TNNI3K: variants seen among roughly 807,000 people sequenced by gnomAD.
TNNI3K encodes the protein TNNI3 interacting kinase.
TNNI3K carries 140 observed loss-of-function variants against 114.5 expected under a neutral mutation model. The ratio of observed to expected loss-of-function variants is 1.22; its 90% CI spans 1.07 to 1.41. TNNI3K has a LOEUF of 1.41. Ranked by LOEUF, TNNI3K falls within the 40% of genes most tolerant of loss-of-function variation. The probability of loss-of-function intolerance (pLI) is 0.00; values close to 1 mark genes in which losing one functional copy is unlikely to be tolerated. For synonymous variants in TNNI3K, 347 were observed against 347.5 expected, an observed-to-expected ratio of 1.00 and a Z score of 0.02; for missense variants, 1,125 against 1,007.6, an observed-to-expected ratio of 1.12 and a Z score of -1.58.
In TNNI3K at chr1:74,370,703, A is replaced by T. The variant is rs546438667; in HGVS notation, c.1772+311A>T. 5.2e-5 allele frequency: 10 copies of T among 192,292 alleles called. No individual in the cohort carries two copies. In the East Asian group the frequency reaches 1.2e-3, roughly 23 times the overall value. 11.9% of individuals were successfully genotyped at this position (192,292 alleles called of 1,614,324 possible). ...ACATCAAGCAGTGAGCTAAATGGCT[A>T]TTAAAAAAATGATATGTCTCCTATA... On this transcript the variant is annotated intron_variant, in intron 17 of 24. Coordinates refer to ENST00000326637, the MANE Select transcript of TNNI3K (RefSeq NM_015978.3).
At chr1:74,267,804 C>T (rs1656092223) in intron 4 of TNNI3K, among the ~76,000 whole-genome samples, 1 of 151,778 alleles carries the variant, frequency 6.6e-6, no homozygotes, top group South Asian at 2.1e-4. Flanking sequence ...AACTTTTGAC[C>T]TTACCATTTG....
chr1:74,515,272 G>C (rs1646333154), intron 23 of TNNI3K, among the ~76,000 whole-genome samples: 2 of 152,158 alleles, frequency 1.3e-5, no homozygotes, highest in Admixed American at 1.3e-4. Context: ...ACAAACTCCA[G>C]ACTGAATGTT....
rs554935464 is a variant in TNNI3K, at chr1:74,255,891, T to C, written c.333+5122T>C. Among the ~76,000 whole-genome samples, 7 of 152,358 alleles carry C rather than the reference T, an allele frequency of 4.6e-5. No homozygotes were observed. The East Asian group carries it at 1.2e-3, about 25-fold the overall frequency. On this transcript the variant is annotated intron_variant, in intron 4 of 24. Transcript: ENST00000326637. The stretch of plus-strand genomic sequence containing the variant: ...ATTACATCCAGTATGTTTTCTTTTC[T>C]ATATGGTTTCTTGCACTTATCATAA...
chr1:74,265,907 G>A (rs112560121), intron 4 of TNNI3K, among the ~76,000 whole-genome samples: 2 of 151,914 alleles, frequency 1.3e-5, no homozygotes, highest in Non-Finnish European at 2.9e-5. Context: ...GAATGGAAGG[G>A]AAAATACACA....
At chr1:74,306,633 TG>T (rs1314454555) in intron 5 of TNNI3K, among the ~76,000 whole-genome samples, 1 of 152,230 alleles carries the variant, frequency 6.6e-6, no homozygotes, top group African/African-American at 2.4e-5. Context: ...TGATTAGTAA[TG>T]TTAGGCATTT....
chr1:74,280,813 G>A (rs907147988), intron 5 of TNNI3K, among the ~76,000 whole-genome samples: 1 of 152,192 alleles, frequency 6.6e-6, no homozygotes, highest in Non-Finnish European at 1.5e-5. Flanking sequence ...AGTGGACTTG[G>A]GGTGCACGTG....
intron 11 of TNNI3K, among the ~76,000 whole-genome samples, chr1:74,360,358 C>T (rs1190939936): frequency 1.3e-5 from 2 of 151,918 alleles, no homozygotes; most frequent in East Asian, 3.9e-4. Flanking sequence ...GTACTTCTTG[C>T]CTCTTGAACC....
At chr1:74,465,277 G>A (rs548335494) in intron 21 of TNNI3K, among the ~76,000 whole-genome samples, 2 of 152,336 alleles carry the variant, frequency 1.3e-5, no homozygotes, top group East Asian at 3.9e-4. Flanking sequence ...GGGAGGTGTG[G>A]AGGGAGAGGC....
chr1:74,507,291 G>A (rs560616264), intron 23 of TNNI3K, among the ~76,000 whole-genome samples: 1 of 140,428 alleles, frequency 7.1e-6, no homozygotes, highest in South Asian at 2.3e-4. Flanking sequence ...CAATCCCAAT[G>A]TCTCCTCCTG....
chr1:74,256,377 G>A (rs1201895430), intron 4 of TNNI3K, among the ~76,000 whole-genome samples: 1 of 133,508 alleles, frequency 7.5e-6, no homozygotes, highest in Non-Finnish European at 1.6e-5. Context: ...TTTCCCTGAA[G>A]ACTAAAGAGG....
intron 20 of TNNI3K, among the ~76,000 whole-genome samples, chr1:74,451,699 C>CTTTTCTTTTCT (rs1557575131): frequency 3.7e-5 from 1 of 27,298 alleles, no homozygotes; most frequent in African/African-American, 1.1e-4. Flanking sequence ...TTCTTTCTTT[C>CTTTTCTTTTCT]TTTCTTTCTT....
At chr1:74,463,974 C>G (rs1222296629) in intron 21 of TNNI3K, among the ~76,000 whole-genome samples, 1 of 152,204 alleles carries the variant, frequency 6.6e-6, no homozygotes, top group Non-Finnish European at 1.5e-5. Flanking sequence ...GGCAGAAGAC[C>G]TGGGTCCTAA....
At chr1:74,351,182 T>C (rs578105881) in intron 9 of TNNI3K, among the ~76,000 whole-genome samples, 80 of 151,960 alleles carry the variant, frequency 5.3e-4, no homozygotes, top group African/African-American at 1.7e-3. Context: ...AATCTCTCAG[T>C]ATTTGCTTGT....
In TNNI3K at chr1:74,328,098, T is replaced by A. The variant is rs199832632; in HGVS notation, c.445-3352T>A. Among the ~76,000 whole-genome samples, 8 of 152,268 alleles carry A rather than the reference T, an allele frequency of 5.3e-5. No homozygotes were observed. In the East Asian group the frequency reaches 1.2e-3, roughly 22 times the overall value. On this transcript the variant is annotated intron_variant, in intron 5 of 24. Transcript: ENST00000326637. ...TGAATTATTTAAAAATTCTATCATATAATTAAGTCCTAATTATTAATGTTT... is the reference window on the plus strand; with the variant it reads ...TGAATTATTTAAAAATTCTATCATAAAATTAAGTCCTAATTATTAATGTTT...
intron 17 of TNNI3K, among the ~76,000 whole-genome samples, chr1:74,433,088 C>G (rs1369104450): frequency 6.6e-6 from 1 of 152,100 alleles, no homozygotes; most frequent in African/African-American, 2.4e-5. Context: ...ATCTCTGTCA[C>G]TGCTCCCACA....
At chr1:74,431,443 G>C (rs1415155447) in intron 17 of TNNI3K, among the ~76,000 whole-genome samples, 1 of 151,956 alleles carries the variant, frequency 6.6e-6, no homozygotes, top group Non-Finnish European at 1.5e-5. Flanking sequence ...CTTTCTTTCA[G>C]TTTGCATTTC....
At chr1:74,263,592 T>A (rs1655800921) in intron 4 of TNNI3K, among the ~76,000 whole-genome samples, 1 of 151,934 alleles carries the variant, frequency 6.6e-6, no homozygotes, top group Non-Finnish European at 1.5e-5. Flanking sequence ...GTCAGATACC[T>A]CTTTAAGGGA....
intron 24 of TNNI3K, among the ~76,000 whole-genome samples, chr1:74,542,390 G>A (rs1172237973): frequency 6.6e-6 from 1 of 152,174 alleles, no homozygotes; most frequent in Non-Finnish European, 1.5e-5. Context: ...CTCATTTTTA[G>A]CCTGGATACA....
intron 17 of TNNI3K, among the ~76,000 whole-genome samples, chr1:74,387,210 G>C (rs1056957971): frequency 1.4e-4 from 21 of 152,058 alleles, no homozygotes; most frequent in Non-Finnish European, 4.4e-5. Flanking sequence ...ACATTCTTTA[G>C]AATATGTTAA....
Sources: allele counts gnomAD v4.1 joint callset (sites outside exome capture counted in the v4.1 genomes callset), GRCh38; gene constraint gnomAD v4.1.1; transcripts MANE v1.5; gene names NCBI Gene and HGNC (gene_info 2026-07-23, HGNC 2026-07-21).